UIMC1: variants seen among roughly 807,000 people sequenced by gnomAD.
The protein encoded by UIMC1 is ubiquitin interaction motif containing 1.
UIMC1 carries 42 observed loss-of-function variants against 84.9 expected under a neutral mutation model. The observed-to-expected ratio is 0.49, with a 90% confidence interval of 0.39 to 0.64. The LOEUF (loss-of-function observed/expected upper bound fraction) is 0.64, where lower values mean the gene tolerates loss of function less well. Ranked by LOEUF, UIMC1 falls within the 30% of genes least tolerant of loss-of-function variation. The pLI is 0.00. For missense variants in UIMC1, 825 were observed against 847.6 expected, an observed-to-expected ratio of 0.97 and a Z score of 0.33; for synonymous variants, 281 against 293.0, an observed-to-expected ratio of 0.96 and a Z score of 0.42.
At chr5:176,967,051 G>A (rs959855384) in intron 6 of UIMC1, among the ~76,000 whole-genome samples, 7 of 152,172 alleles carry the variant, frequency 4.6e-5, no homozygotes, top group African/African-American at 1.4e-4. Flanking sequence ...ATTACTGTAG[G>A]TATGGAGAAA....
intron 1 of UIMC1, among the ~76,000 whole-genome samples, chr5:177,003,156 A>G (rs781487007): frequency 3.3e-5 from 5 of 152,138 alleles, no homozygotes; most frequent in African/African-American, 4.8e-5. Context: ...ACTAATTACA[A>G]TGAGCTTATT....
At chr5:176,981,665 A>G (rs979507831) in intron 2 of UIMC1, among the ~76,000 whole-genome samples, 3 of 151,976 alleles carry the variant, frequency 2.0e-5, no homozygotes, top group Non-Finnish European at 4.4e-5. Flanking sequence ...GCCAGGCATA[A>G]TGGCTTGAGC....
intron 2 of UIMC1, among the ~76,000 whole-genome samples, chr5:176,976,689 T>C (rs959627286): frequency 2.0e-5 from 3 of 152,230 alleles, no homozygotes; most frequent in Admixed American, 2.0e-4. Flanking sequence ...GCCACATATA[T>C]TGTATAATTC....
chr5:176,944,935 C>T (rs1764895526), intron 9 of UIMC1, among the ~76,000 whole-genome samples: 1 of 152,168 alleles, frequency 6.6e-6, no homozygotes, highest in Non-Finnish European at 1.5e-5. Flanking sequence ...CCCAACAAGC[C>T]GCTGGACAGA....
intron 10 of UIMC1, among the ~76,000 whole-genome samples, chr5:176,928,269 G>A (rs75968547): frequency 2.0e-5 from 3 of 152,076 alleles, no homozygotes; most frequent in Non-Finnish European, 2.9e-5. Flanking sequence ...GAGTAGTTGC[G>A]ACAGAGACCA....
rs115410156 is a variant in UIMC1 at position 176,992,581 on chromosome 5, T to C, written c.-8-9958A>G. Among the ~76,000 whole-genome samples the C allele has an allele frequency of 9.1e-3, 1,376 of 151,948 alleles. 7 individuals are homozygous for C. The highest frequency in any genetic ancestry group is 0.025 in the South Asian group (119 of 4,818). ...ACTTCTGCTCTTTAAAAAAAGACCA[T>C]TAAGAAGCCACAGAATGACAATCTG... is the stretch of plus-strand genomic sequence containing the variant. On this transcript the variant is annotated intron_variant, in intron 1 of 14. Transcript: ENST00000511320.
At chr5:176,913,910 G>A (rs557966029) in intron 10 of UIMC1, among the ~76,000 whole-genome samples, 2 of 152,304 alleles carry the variant, frequency 1.3e-5, no homozygotes, top group South Asian at 2.1e-4. Context: ...CAGGAGGGTT[G>A]AGGCTGCAGT....
intron 1 of UIMC1, among the ~76,000 whole-genome samples, chr5:176,993,671 T>A (rs1773197033): frequency 6.6e-6 from 1 of 152,150 alleles, no homozygotes; most frequent in African/African-American, 2.4e-5. Context: ...TTTACTTTTT[T>A]AACTATATGA....
intron 9 of UIMC1, among the ~76,000 whole-genome samples, chr5:176,943,814 T>C (rs2149443828): frequency 6.6e-6 from 1 of 152,370 alleles, no homozygotes; most frequent in Admixed American, 6.5e-5. Flanking sequence ...CTTACAAAGT[T>C]ATTAGCACAC....
intron 6 of UIMC1, among the ~76,000 whole-genome samples, chr5:176,960,578 T>TA (rs1341266221): frequency 0.011 from 908 of 85,438 alleles, 320 homozygotes; most frequent in African/African-American, 0.063. Flanking sequence ...CATTGAATCT[T>TA]AAAAAAAAAA....
At chr5:176,929,097 GA>G (rs1423251836) in intron 10 of UIMC1, among the ~76,000 whole-genome samples, 5 of 149,330 alleles carry the variant, frequency 3.3e-5, no homozygotes, top group South Asian at 2.1e-4. Context: ...ACTAATAATA[GA>G]AAAAAAATTA....
In UIMC1 at chr5:176,962,651, C is replaced by CA. The variant is rs1192030919; in HGVS notation, c.1201-4498dup. Among the ~76,000 whole-genome samples the CA allele has an allele frequency of 2.1e-4, 11 of 52,558 alleles. No homozygotes were observed. The South Asian group carries it at 2.3e-3, about 11-fold the overall frequency. 34.5% of individuals were successfully genotyped at this position (52,558 alleles called of 152,430 possible). ...CACCACCCCGTCTGGGAGGTGTGCC[C>CA]AACAGCTCATTGAGAACGGGCCAGG... On this transcript the variant is annotated intron_variant, in intron 6 of 14. Transcript: ENST00000511320.
At chr5:176,963,340 G>A (rs890501787) in intron 6 of UIMC1, among the ~76,000 whole-genome samples, 2 of 151,832 alleles carry the variant, frequency 1.3e-5, no homozygotes, top group African/African-American at 2.4e-5. Context: ...GGCCAACATC[G>A]TGAAACCCCA....
intron 9 of UIMC1, among the ~76,000 whole-genome samples, chr5:176,945,745 C>G (rs541169590): frequency 0.01 from 1,574 of 152,314 alleles, 10 homozygotes; most frequent in South Asian, 0.025. Context: ...TAGGGTTAAG[C>G]CATACTCCCT....
At chr5:176,950,186 G>C (rs1328699355) in intron 9 of UIMC1, among the ~76,000 whole-genome samples, 1 of 138,468 alleles carries the variant, frequency 7.2e-6, no homozygotes, top group African/African-American at 2.8e-5. Flanking sequence ...TGCAACCTCC[G>C]ACTCCCAGGT....
chr5:176,909,754 T>C (rs6881002), intron 11 of UIMC1, among the ~76,000 whole-genome samples: 48,058 of 152,072 alleles, frequency 0.32, 8,903 homozygotes, highest in East Asian at 0.5. Context: ...TAGACTAGTA[T>C]ACCTTTCAAG....
At chr5:176,986,359 CAAAAAAAAAA>C (rs71583560) in intron 1 of UIMC1, among the ~76,000 whole-genome samples, 948 of 27,998 alleles carry the variant, frequency 0.034, 12 homozygotes, top group Non-Finnish European at 0.054. Context: ...GACTTCATCT[CAAAAAAAAAA>C]AAAAAAAAAA....
chr5:176,958,801 T>C (rs1283062758), intron 6 of UIMC1, among the ~76,000 whole-genome samples: 1 of 152,250 alleles, frequency 6.6e-6, no homozygotes, highest in Non-Finnish European at 1.5e-5. Flanking sequence ...TTTTCATTGA[T>C]TCAAAAATTA....
Position 177,004,898 on chromosome 5 carries a change from G to A in UIMC1, c.-9+1752C>T, listed in dbSNP as rs115745561. 9.1e-3 allele frequency among the ~76,000 whole-genome samples: 1,381 copies of A among 151,996 alleles called. 8 individuals carry two copies. The highest frequency in any genetic ancestry group is 0.025 in the South Asian group (120 of 4,810). On this transcript the variant is annotated intron_variant, in intron 1 of 14. Transcript: ENST00000511320. ...ATGATTGACTTTTACCCCTAAATAG[G>A]TACCTAGCACTTTCTTTATTTGGAG...
Sources: gnomAD v4.1 joint callset for allele counts (sites outside exome capture counted in the v4.1 genomes callset) on GRCh38, gnomAD v4.1.1 for gene constraint, MANE v1.5 for transcripts, NCBI Gene and HGNC (gene_info 2026-07-23, HGNC 2026-07-21) for gene names.